Variants in ENTPD3 observed in about 807,000 individuals in gnomAD.
ENTPD3 encodes CD39 antigen-like 3.
Under a neutral mutation model 51.2 loss-of-function variants are expected in ENTPD3, and 60 were observed. That is an observed-to-expected ratio of 1.17 (90% CI 0.95 to 1.45). ENTPD3 has a LOEUF of 1.45. ENTPD3 is among the 40% of genes most tolerant of loss of function. ENTPD3 has a pLI of 0.00. For missense variants in ENTPD3, 593 were observed against 641.1 expected (o/e 0.93, Z 0.81); for synonymous variants, 221 against 238.4 (o/e 0.93, Z 0.67).
intron 3 of ENTPD3, among the ~76,000 whole-genome samples, chr3:40,398,209 A>T (rs930367742): frequency 6.6e-6 from 1 of 152,152 alleles, no homozygotes; most frequent in African/African-American, 2.4e-5. Context: ...GGAGTTACAA[A>T]TGAGAATGGA....
rs372541933 is a variant in ENTPD3, at chr3:40,428,335, A to G, written c.*827A>G. ...ACTTTCCATTGTTATCATGGTGTAT[A>G]TATTTTTGTCACCATTCCCACAAGT... On this transcript the variant is annotated 3_prime_UTR_variant, in exon 11 of 11. Coordinates refer to ENST00000301825, the MANE Select transcript of ENTPD3 (RefSeq NM_001248.4). 6.6e-6 allele frequency: 1 copy of G among 152,326 alleles called. No homozygotes were observed. The highest frequency in any genetic ancestry group is 1.9e-4 in the East Asian group (1 of 5,182). The allele number at this position is 152,326 out of a possible 1,614,324, so 9.4% of individuals were successfully genotyped here.
intron 4 of ENTPD3, among the ~76,000 whole-genome samples, chr3:40,403,422 G>A (rs1430811258): frequency 1.3e-5 from 2 of 152,176 alleles, no homozygotes; most frequent in African/African-American, 4.8e-5. Flanking sequence ...GATCCGTTAT[G>A]CTGCACTGGG....
chr3:40,403,232 T>C (rs1001308274), intron 4 of ENTPD3, among the ~76,000 whole-genome samples: 1 of 152,128 alleles, frequency 6.6e-6, no homozygotes, highest in Non-Finnish European at 1.5e-5. Flanking sequence ...AGCCAGGAGC[T>C]TGCCTACCCT....
At chr3:40,424,903 A>G (rs1955953458) in intron 10 of ENTPD3, 2 of 653,384 alleles carry the variant, frequency 3.1e-6, no homozygotes, top group African/African-American at 1.8e-5. Flanking sequence ...AAATTGAGTC[A>G]TCTACAAAAA....
intron 9 of ENTPD3, 25 bp downstream of exon 9, chr3:40,423,426 A>G (rs1036675860): frequency 6.8e-7 from 1 of 1,464,708 alleles, no homozygotes; most frequent in Non-Finnish European, 9.6e-7. Flanking sequence ...AGAAGGGATC[A>G]ATGTCAGTAC....
chr3:40,406,186 C>A (rs563270527), intron 4 of ENTPD3, among the ~76,000 whole-genome samples: 1 of 151,950 alleles, frequency 6.6e-6, no homozygotes, highest in African/African-American at 2.4e-5. Context: ...TAGGCAGAGA[C>A]AAAAGTGATA....
Position 40,427,627 on chromosome 3 carries a change from G to A in ENTPD3, c.*119G>A, listed in dbSNP as rs867295382. ...CAACTAACTAAAATCAAACACCTAG[G>A]TCACGTGCCTCTCAAATACTGATTT... On this transcript the variant is annotated 3_prime_UTR_variant, in exon 11 of 11. Coordinates refer to ENST00000301825, the MANE Select transcript of ENTPD3 (RefSeq NM_001248.4). 2.7e-6 allele frequency: 2 copies of A among 728,982 alleles called. No homozygotes were observed. The highest frequency in any genetic ancestry group is 4.8e-6 in the Non-Finnish European group (2 of 418,180). The allele number at this position is 728,982 out of a possible 1,614,324, so 45.2% of individuals were successfully genotyped here.
intron 6 of ENTPD3, 125 bp downstream of exon 6, chr3:40,414,965 A>AT: frequency 1.1e-6 from 1 of 935,822 alleles, no homozygotes. Flanking sequence ...CATGTAACGC[A>AT]TTAGGGAAAT....
chr3:40,390,740 T>C (rs1444738912), intron 2 of ENTPD3, among the ~76,000 whole-genome samples: 1 of 152,174 alleles, frequency 6.6e-6, no homozygotes, highest in African/African-American at 2.4e-5. Context: ...CAAAGGACTT[T>C]GAAAGGTTTG....
intron 1 of ENTPD3, 103 bp downstream of exon 1, chr3:40,387,364 G>C (rs1455161366): frequency 6.6e-6 from 1 of 152,478 alleles, no homozygotes; most frequent in Admixed American, 6.5e-5. Context: ...GATTTCCTCA[G>C]AGGGCCAGAG....
intron 5 of ENTPD3, among the ~76,000 whole-genome samples, chr3:40,414,099 T>C (rs1222451222): frequency 6.6e-6 from 1 of 152,196 alleles, no homozygotes; most frequent in Non-Finnish European, 1.5e-5. Context: ...GATAGAATGC[T>C]GTGTTGCCAC....
Position 40,423,139 on chromosome 3 carries a change from C to G in ENTPD3, c.1104+17C>G, listed in dbSNP as rs554340387. On this transcript the variant is annotated intron_variant, in intron 8 of 10. Coordinates refer to ENST00000301825, the MANE Select transcript of ENTPD3 (RefSeq NM_001248.4). Reference sequence around the variant, plus strand: ...CCATTTGTGGTAAGAGCAAAACCTTCTGAAAGATTCCTTTCCCCATTGAAT... The same window carrying G: ...CCATTTGTGGTAAGAGCAAAACCTTGTGAAAGATTCCTTTCCCCATTGAAT... 16 of 1,599,618 alleles carry G rather than the reference C, an allele frequency of 1.0e-5. No homozygotes were observed. The Admixed American group carries it at 2.8e-4, about 28-fold the overall frequency.
chr3:40,403,115 T>C (rs1955408461), intron 4 of ENTPD3, among the ~76,000 whole-genome samples: 2 of 152,126 alleles, frequency 1.3e-5, no homozygotes, highest in African/African-American at 2.4e-5. Flanking sequence ...ATGGGGATCA[T>C]GGCATTGAAA....
At chr3:40,394,979 A>C (rs2125589585) in intron 3 of ENTPD3, among the ~76,000 whole-genome samples, 1 of 152,240 alleles carries the variant, frequency 6.6e-6, no homozygotes, top group Non-Finnish European at 1.5e-5. Context: ...GGTGCCCAAG[A>C]CTTCAGAATC....
chr3:40,427,806 G>A lies in ENTPD3; in HGVS notation c.*298G>A. The stretch of plus-strand genomic sequence containing the variant: ...ATTAAGTTCCCCAGAGGAAGAGTAA[G>A]TTGAGAAGGTATCAGTTTAATGTTG... On this transcript the variant is annotated 3_prime_UTR_variant, in exon 11 of 11. Coordinates refer to ENST00000301825, the MANE Select transcript of ENTPD3 (RefSeq NM_001248.4). 1 of 399,290 alleles carries A rather than the reference G, an allele frequency of 2.5e-6. No homozygotes were observed. Among genetic ancestry groups the A allele is most frequent in the Non-Finnish European group, 4.6e-6 (1 of 217,440 alleles). The allele number at this position is 399,290 out of a possible 1,614,324, so 24.7% of individuals were successfully genotyped here.
At chr3:40,397,321 G>A (rs900193850) in intron 3 of ENTPD3, among the ~76,000 whole-genome samples, 1 of 151,670 alleles carries the variant, frequency 6.6e-6, no homozygotes, top group Non-Finnish European at 1.5e-5. Context: ...AAAACATCAT[G>A]GCTATGATTA....
chr3:40,413,743 T>C (rs1248547524), intron 5 of ENTPD3, among the ~76,000 whole-genome samples: 1 of 152,206 alleles, frequency 6.6e-6, no homozygotes, highest in Admixed American at 6.5e-5. Context: ...ACTAACTCTT[T>C]CTTGTAAAAC....
At chr3:40,423,731 GTGA>G (rs1955929384) in intron 9 of ENTPD3, 92 bp from the exon 10 acceptor site, 3 of 1,374,194 alleles carry the variant, frequency 2.2e-6, no homozygotes, top group Admixed American at 4.1e-5. Flanking sequence ...GAAATTATGG[GTGA>G]TAAGATTCTT....
At chr3:40,398,875 A>C (rs1043564910) in intron 3 of ENTPD3, among the ~76,000 whole-genome samples, 3 of 152,170 alleles carry the variant, frequency 2.0e-5, no homozygotes, top group Non-Finnish European at 2.9e-5. Context: ...TGGTGATATC[A>C]ATCTGTTTCT....
Sources: allele counts gnomAD v4.1 joint callset (sites outside exome capture counted in the v4.1 genomes callset), GRCh38; gene constraint gnomAD v4.1.1; transcripts MANE v1.5; gene names NCBI Gene and HGNC (gene_info 2026-07-23, HGNC 2026-07-21).